Variants in BORCS5 observed in about 807,000 individuals in gnomAD.
The protein encoded by BORCS5 is BLOC-1-related complex subunit 5.
Under a neutral mutation model 22.1 loss-of-function variants are expected in BORCS5, and 17 were observed. That is an observed-to-expected ratio of 0.77 (90% confidence interval 0.53 to 1.15). The LOEUF is 1.15. Among genes scored for constraint, BORCS5 ranks in the 50% most tolerant of loss-of-function variants. BORCS5 has a pLI of 0.00. For missense variants in BORCS5, 247 were observed against 253.2 expected (o/e 0.98, Z 0.17); for synonymous variants, 117 against 99.8 (o/e 1.17, Z -1.03).
At chr12:12,459,943 T>A (rs1420457610) in intron 3 of BORCS5, among the ~76,000 whole-genome samples, 1 of 152,224 alleles carries the variant, frequency 6.6e-6, no homozygotes, top group East Asian at 1.9e-4. Context: ...TACTGTAGTT[T>A]TATAGTAAGT....
intron 2 of BORCS5, among the ~76,000 whole-genome samples, chr12:12,391,119 T>G (rs1941171326): frequency 6.6e-6 from 1 of 152,046 alleles, no homozygotes; most frequent in Non-Finnish European, 1.5e-5. Flanking sequence ...AGTCTTGTTT[T>G]GTCACACTAA....
intron 1 of BORCS5, 113 bp downstream of exon 1, chr12:12,357,622 C>G: frequency 8.6e-7 from 1 of 1,169,462 alleles, no homozygotes; most frequent in Non-Finnish European, 1.2e-6. Context: ...AAAAAGCCTT[C>G]ACCGTGCTAG....
intron 2 of BORCS5, among the ~76,000 whole-genome samples, chr12:12,373,414 AG>A (rs1379260621): frequency 6.6e-6 from 1 of 152,200 alleles, no homozygotes; most frequent in African/African-American, 2.4e-5. Flanking sequence ...GGAAAATGGT[AG>A]GGCTTGTTTT....
At chr12:12,399,220 A>G (rs1398252904) in intron 2 of BORCS5, among the ~76,000 whole-genome samples, 1 of 152,144 alleles carries the variant, frequency 6.6e-6, no homozygotes, top group Non-Finnish European at 1.5e-5. Context: ...CATTCAACCT[A>G]TCACTCCTAT....
intron 3 of BORCS5, among the ~76,000 whole-genome samples, chr12:12,460,203 A>G (rs1313316594): frequency 6.6e-6 from 1 of 152,206 alleles, no homozygotes; most frequent in African/African-American, 2.4e-5. Flanking sequence ...ATGTTTTGTA[A>G]TATCAGTGTA....
intron 2 of BORCS5, among the ~76,000 whole-genome samples, chr12:12,423,004 TA>T (rs1426965683): frequency 2.0e-5 from 3 of 151,430 alleles, no homozygotes; most frequent in Non-Finnish European, 3.0e-5. Flanking sequence ...ATTTTTTATT[TA>T]TTTTTTTATT....
chr12:12,410,656 A>G (rs200068394), intron 2 of BORCS5, among the ~76,000 whole-genome samples: 2 of 152,180 alleles, frequency 1.3e-5, no homozygotes, highest in South Asian at 4.1e-4. Context: ...GAAGTCAGGT[A>G]GTATGATGCC....
chr12:12,379,804 A>C (rs971805579), intron 2 of BORCS5, among the ~76,000 whole-genome samples: 21 of 151,462 alleles, frequency 1.4e-4, no homozygotes, highest in African/African-American at 4.1e-4. Flanking sequence ...TCACTGGAGT[A>C]GCACTTTTAA....
chr12:12,445,032 C>T (rs1438775839), intron 3 of BORCS5, among the ~76,000 whole-genome samples: 10 of 152,182 alleles, frequency 6.6e-5, no homozygotes, highest in Admixed American at 2.0e-4. Context: ...ATGCAGCCCA[C>T]GGCCGAACAA....
At chr12:12,449,499 T>C (rs1942863456) in intron 3 of BORCS5, among the ~76,000 whole-genome samples, 1 of 152,178 alleles carries the variant, frequency 6.6e-6, no homozygotes, top group African/African-American at 2.4e-5. Context: ...GGTTTTAGGA[T>C]TTCTGTCCCA....
chr12:12,439,940 C>T (rs1041246649), intron 3 of BORCS5, among the ~76,000 whole-genome samples: 5 of 152,202 alleles, frequency 3.3e-5, no homozygotes, highest in African/African-American at 1.2e-4. Flanking sequence ...TTTGATCAAA[C>T]ACCAACTCTC....
At chr12:12,418,318 G>A (rs1047144487) in intron 2 of BORCS5, among the ~76,000 whole-genome samples, 2 of 151,536 alleles carry the variant, frequency 1.3e-5, no homozygotes, top group South Asian at 2.1e-4. Flanking sequence ...GATTACAGGC[G>A]TGAGCCACCA....
intron 3 of BORCS5, among the ~76,000 whole-genome samples, chr12:12,438,815 T>C (rs1942620917): frequency 6.6e-6 from 1 of 152,202 alleles, no homozygotes; most frequent in Non-Finnish European, 1.5e-5. Flanking sequence ...TCATAAATAT[T>C]TAAGTATATA....
intron 2 of BORCS5, among the ~76,000 whole-genome samples, chr12:12,370,287 G>T (rs1302196546): frequency 2.0e-5 from 3 of 151,902 alleles, no homozygotes; most frequent in Non-Finnish European, 4.4e-5. Flanking sequence ...TAGTTTAAAG[G>T]ACTTCTTTTA....
At chr12:12,387,838 T>C (rs1157367944) in intron 2 of BORCS5, among the ~76,000 whole-genome samples, 1 of 151,494 alleles carries the variant, frequency 6.6e-6, no homozygotes, top group African/African-American at 2.4e-5. Context: ...GTGTCACATG[T>C]AGCCTCAGTT....
chr12:12,454,947 A>G (rs756341163), intron 3 of BORCS5, among the ~76,000 whole-genome samples: 91 of 152,348 alleles, frequency 6.0e-4, no homozygotes, highest in Non-Finnish European at 1.0e-3. Context: ...CTTCTGACTT[A>G]CTTTGTTAAT....
intron 2 of BORCS5, among the ~76,000 whole-genome samples, chr12:12,417,380 CA>C (rs1201833467): frequency 3.9e-5 from 6 of 152,180 alleles, no homozygotes; most frequent in African/African-American, 1.4e-4. Flanking sequence ...TGTGACCTAA[CA>C]TATGGCCTAT....
At chr12:12,363,393 A>G (rs916288269) in intron 2 of BORCS5, among the ~76,000 whole-genome samples, 9 of 152,016 alleles carry the variant, frequency 5.9e-5, no homozygotes, top group African/African-American at 2.2e-4. Context: ...TGAGGTTAGG[A>G]GATCAATACC....
intron 2 of BORCS5, among the ~76,000 whole-genome samples, chr12:12,420,958 A>G (rs566362726): frequency 2.6e-5 from 4 of 152,304 alleles, no homozygotes; most frequent in African/African-American, 9.6e-5. Context: ...GGCTGAGATG[A>G]TGGAGTTTTC....
Sources: gnomAD v4.1 joint callset for allele counts (sites outside exome capture counted in the v4.1 genomes callset) on GRCh38, gnomAD v4.1.1 for gene constraint, MANE v1.5 for transcripts, NCBI Gene and HGNC (gene_info 2026-07-23, HGNC 2026-07-21) for gene names.